C16orf46: variants seen among roughly 807,000 people sequenced by gnomAD.
C16orf46 encodes chromosome 16 open reading frame 46, also known as uncharacterized protein C16orf46.
Under a neutral mutation model 5.5 loss-of-function variants are expected in C16orf46, and 7 were observed. The observed-to-expected ratio is 1.28, with a 90% CI of 0.73 to 2.40. The LOEUF is 2.40. C16orf46 is among the 30% of genes most tolerant of loss of function. C16orf46 has a pLI of 0.00. For synonymous variants in C16orf46, 200 were observed against 184.1 expected, an observed-to-expected ratio of 1.09 and a Z score of -0.70; for missense variants, 614 against 476.0, an observed-to-expected ratio of 1.29 and a Z score of -2.70.
In C16orf46 at chr16:81,061,864, CTT is replaced by C; in HGVS notation, c.483_484del (p.Leu163AlafsTer18). ...CCAAATAAACTCCTTGATTTGCAGA[CTT>C]TTTTTCTCTGCTCGAAAGTAGGTGG... On this transcript the variant is annotated frameshift_variant, in exon 4 of 4. Transcript: ENST00000299578. LOFTEE classifies it low-confidence loss of function (END_TRUNC). 6.2e-7 allele frequency: 1 copy of C among 1,614,162 alleles called. No individual in the cohort carries two copies. Among genetic ancestry groups the C allele is most frequent in the Non-Finnish European group, 8.5e-7 (1 of 1,180,018 alleles).
intron 1 of C16orf46, chr16:81,072,325 A>C (rs1223457351): frequency 2.5e-5 from 1 of 39,666 alleles, no homozygotes; most frequent in Non-Finnish European, 7.8e-5. Context: ...ATTATACCTG[A>C]TGCAAAAAAA....
At chr16:81,069,881 T>C (rs1219326841) in intron 1 of C16orf46, 1 of 152,194 alleles carries the variant, frequency 6.6e-6, no homozygotes, top group Non-Finnish European at 1.5e-5. Context: ...TCCCAGCACT[T>C]TGGGAGGCCA....
At chr16:81,058,302 C>A (rs1971363626), downstream of C16orf46, among the ~76,000 whole-genome samples, 1 of 152,140 alleles carries the variant, frequency 6.6e-6, no homozygotes, top group African/African-American at 2.4e-5. Context: ...GCAGTGAACA[C>A]TGGATTTATC....
chr16:81,057,480 C>G (rs1307606224), downstream of C16orf46, among the ~76,000 whole-genome samples: 1 of 143,552 alleles, frequency 7.0e-6, no homozygotes, highest in Non-Finnish European at 1.5e-5. Flanking sequence ...ACCCGGGAGG[C>G]AGAGTTTGTA....
chr16:81,057,075 C>T (rs28565498), downstream of C16orf46, among the ~76,000 whole-genome samples: 2 of 152,034 alleles, frequency 1.3e-5, no homozygotes, highest in Admixed American at 1.3e-4. Flanking sequence ...AGGGATGCTG[C>T]TACACATCCC....
In C16orf46 at chr16:81,061,721, C is replaced by T. The variant is rs759107267; in HGVS notation, c.628G>A (p.Val210Ile). ...AGTGAAGCCTTCAGGGGAGGCAGAA[C>T]TAGGAGGGCCCTGGAAGTCAGGGGG... ...PGPLTSRALL[V>I]LPPLKASLSN... is the part of the protein sequence containing the mutation. Residue 210 changes from valine to isoleucine, a missense_variant, in exon 4 of 4, where the codon GTT becomes ATT. Transcript: ENST00000299578. 2.5e-6 allele frequency: 4 copies of T among 1,613,928 alleles called. No homozygotes were observed. The highest frequency in any genetic ancestry group is 1.7e-5 in the Admixed American group (1 of 60,010).
intron 1 of C16orf46, among the ~76,000 whole-genome samples, chr16:81,066,593 T>A (rs371613788): frequency 6.6e-5 from 10 of 152,298 alleles, no homozygotes; most frequent in South Asian, 2.1e-4. Context: ...CAAGAATCAA[T>A]AGATCAAAGA....
rs571450885 is a variant in C16orf46, at chr16:81,074,541, C to A, written c.-128+2595G>T. 1.9e-4 allele frequency among the ~76,000 whole-genome samples: 29 copies of A among 152,086 alleles called. No homozygotes were observed. In the East Asian group the frequency reaches 5.2e-3, roughly 27 times the overall value. On this transcript the variant is annotated intron_variant, in intron 1 of 3. Transcript: ENST00000299578. ...CTGGGACTACAGATGCGCGCCATCA[C>A]GCCCAGCTAATTTTTGTATTTTTAG...
intron 1 of C16orf46, chr16:81,071,922 TG>T (rs1397689650): frequency 5.3e-5 from 8 of 152,208 alleles, no homozygotes; most frequent in Non-Finnish European, 1.0e-4. Flanking sequence ...CTGTTGCAGT[TG>T]GGTTAGAGAC....
intron 1 of C16orf46, among the ~76,000 whole-genome samples, chr16:81,073,097 T>C (rs1432669667): frequency 6.6e-6 from 1 of 152,246 alleles, no homozygotes; most frequent in African/African-American, 2.4e-5. Flanking sequence ...AGAAAAGGAT[T>C]AGTTTCAGGT....
intron 2 of C16orf46, among the ~76,000 whole-genome samples, chr16:81,065,905 T>C (rs1420972384): frequency 6.6e-6 from 1 of 151,942 alleles, no homozygotes; most frequent in Non-Finnish European, 1.5e-5. Flanking sequence ...AGTGGTGCGA[T>C]CTTAGCTCAC....
chr16:81,055,406 A>G (rs577103965), intron 3 of C16orf46: 1 of 152,300 alleles, frequency 6.6e-6, no homozygotes, highest in African/African-American at 2.4e-5. Context: ...AATAAGTGGT[A>G]AAACTAGTTG....
chr16:81,061,319 G>A lies in C16orf46; in HGVS notation c.1030C>T (p.Pro344Ser). Residue 344 changes from proline (P) to serine (S), a missense_variant, in exon 4 of 4, where the codon CCA becomes TCA. By Grantham distance (74) the Pro-to-Ser change is moderately conservative. Transcript: ENST00000299578. ...TTTCGGGTGATCACAGGAGATCTTGGCTCCTTGGCTTTGAATTTGGATTTG... is the reference window on the plus strand; with the variant it reads ...TTTCGGGTGATCACAGGAGATCTTGACTCCTTGGCTTTGAATTTGGATTTG... ...SYKSKFKAKE[P>S]RSPVITRKHV... 2 of 1,614,108 alleles carry A rather than the reference G, an allele frequency of 1.2e-6. No individual in the cohort carries two copies. The highest frequency in any genetic ancestry group is 1.7e-6 in the Non-Finnish European group (2 of 1,180,034).
At chr16:81,063,604 T>C (rs1971557178) in intron 3 of C16orf46, 142 bp downstream of exon 3, 5 of 687,722 alleles carry the variant, frequency 7.3e-6, no homozygotes, top group South Asian at 5.7e-5. Context: ...TCATCAGTAA[T>C]ATTTTACCTC....
chr16:81,072,172 T>A (rs2151758057), intron 1 of C16orf46: 1 of 152,386 alleles, frequency 6.6e-6, no homozygotes, highest in East Asian at 1.9e-4. Context: ...AAAAACTTAA[T>A]GACTCCAGCC....
intron 3 of C16orf46, among the ~76,000 whole-genome samples, chr16:81,055,720 T>C (rs1357755399): frequency 3.3e-5 from 5 of 152,104 alleles, no homozygotes; most frequent in Admixed American, 3.3e-4. Context: ...GAGAAACTTC[T>C]TTTTTTATTA....
intron 3 of C16orf46, among the ~76,000 whole-genome samples, chr16:81,063,113 G>A (rs375249170): frequency 6.6e-6 from 1 of 151,504 alleles, no homozygotes; most frequent in African/African-American, 2.4e-5. Context: ...GGGCATGGTG[G>A]GCACCTATAA....
intron 3 of C16orf46, chr16:81,055,509 C>T (rs993758366): frequency 1.3e-5 from 2 of 148,366 alleles, no homozygotes; most frequent in African/African-American, 2.5e-5. Flanking sequence ...ACCTGGGCAA[C>T]ATGGCAAAAC....
chr16:81,071,860 G>A (rs1165835891), intron 1 of C16orf46: 9 of 152,222 alleles, frequency 5.9e-5, no homozygotes, highest in African/African-American at 1.9e-4. Flanking sequence ...ATCACTGTGA[G>A]AGACAGCTAC....
Sources: gnomAD v4.1 joint callset for allele counts (sites outside exome capture counted in the v4.1 genomes callset) on GRCh38, gnomAD v4.1.1 for gene constraint, MANE v1.5 for transcripts, NCBI Gene and HGNC (gene_info 2026-07-23, HGNC 2026-07-21) for gene names.